Variants in FRMD4B observed in about 807,000 individuals in gnomAD.
FRMD4B encodes FERM domain-containing protein 4B.
FRMD4B carries 74 observed loss-of-function variants against 141.5 expected under a neutral mutation model. The ratio of observed to expected loss-of-function variants is 0.52; its 90% CI spans 0.43 to 0.63. FRMD4B has a LOEUF of 0.63. Among genes scored for constraint, FRMD4B ranks in the 30% least tolerant of loss-of-function variants. The pLI, the probability that FRMD4B is intolerant of heterozygous loss-of-function variation, is 0.00. For missense variants in FRMD4B, 1,366 were observed against 1,253.4 expected, an observed-to-expected ratio of 1.09 and a Z score of -1.36; for synonymous variants, 506 against 467.9, an observed-to-expected ratio of 1.08 and a Z score of -1.05.
upstream of FRMD4B, among the ~76,000 whole-genome samples, chr3:69,387,331 G>A (rs1704281701): frequency 1.3e-5 from 2 of 152,082 alleles, no homozygotes; most frequent in Admixed American, 6.5e-5. Context: ...CGCCCAGGCT[G>A]GTTTCAAATG....
At chr3:69,481,248 G>C (rs1456795338) in intron 1 of FRMD4B, among the ~76,000 whole-genome samples, 1 of 152,148 alleles carries the variant, frequency 6.6e-6, no homozygotes, top group Non-Finnish European at 1.5e-5. Context: ...GCACTCCCTA[G>C]TGAGATGAAC....
intron 5 of FRMD4B, among the ~76,000 whole-genome samples, chr3:69,259,498 ACT>A (rs1559758405): frequency 6.6e-6 from 1 of 151,808 alleles, no homozygotes; most frequent in Non-Finnish European, 1.5e-5. Flanking sequence ...GCATCCAAAG[ACT>A]CTCTTAATGT....
In FRMD4B at chr3:69,181,641, G is replaced by A. The variant is rs200135116; in HGVS notation, c.2109C>T (p.Ser703=). ...AAAATGGCTTATCGCTGTCCATCTC[G>A]GAGAGCAGGTGGGACTGGGACTCCA... The part of the protein sequence containing the change: ...GSLESQSHLL[S]EMDSDKPFFS... The change falls in exon 21 of 23, where the codon TCC becomes TCT. Residue 703 remains serine (S), a synonymous_variant. Transcript: ENST00000398540. The A allele has an allele frequency of 1.9e-4, 304 of 1,613,190 alleles. No homozygotes were observed. Among genetic ancestry groups the A allele is most frequent in the Admixed American group, 3.7e-4 (22 of 60,018 alleles).
intron 1 of FRMD4B, among the ~76,000 whole-genome samples, chr3:69,491,143 G>C (rs2107023543): frequency 6.6e-6 from 1 of 152,286 alleles, no homozygotes; most frequent in Middle Eastern, 3.4e-3. Flanking sequence ...TCCAATGCAA[G>C]GAAAATCAAA....
Position 69,278,616 on chromosome 3 carries a change from T to C in FRMD4B, c.501+9136A>G, listed in dbSNP as rs1188552817. Among the ~76,000 whole-genome samples the C allele has an allele frequency of 2.0e-5, 3 of 151,610 alleles. No individual in the cohort carries two copies. In the East Asian group the frequency reaches 5.8e-4, roughly 29 times the overall value. ...TGGCCCCAAATTGCTTTTTTTTTTT[T>C]TGCCCTGCCGCTCAGGCAGGAGTGC... On this transcript the variant is annotated intron_variant, in intron 5 of 22. Transcript: ENST00000398540.
chr3:69,307,974 A>C (rs548768138), intron 3 of FRMD4B, among the ~76,000 whole-genome samples: 1 of 152,240 alleles, frequency 6.6e-6, no homozygotes, highest in African/African-American at 2.4e-5. Flanking sequence ...ATGTTCATGC[A>C]TTTGCCCACA....
intron 1 of FRMD4B, among the ~76,000 whole-genome samples, chr3:69,459,716 G>T (rs1705680748): frequency 1.3e-5 from 2 of 152,190 alleles, no homozygotes; most frequent in Non-Finnish European, 1.5e-5. Flanking sequence ...AGTATTAATA[G>T]CATGTACCTC....
chr3:69,468,241 C>CAGGGA (rs1705826907), intron 1 of FRMD4B, among the ~76,000 whole-genome samples: 1 of 151,886 alleles, frequency 6.6e-6, no homozygotes, highest in East Asian at 1.9e-4. Flanking sequence ...GAACTCCCAA[C>CAGGGA]AATCATCAAT....
intron 1 of FRMD4B, among the ~76,000 whole-genome samples, chr3:69,507,495 G>T (rs1419539515): frequency 6.6e-6 from 1 of 152,050 alleles, no homozygotes; most frequent in Non-Finnish European, 1.5e-5. Context: ...ATATATATAA[G>T]GCTGTGTCAC....
At chr3:69,455,534 A>T (rs1019030611) in intron 1 of FRMD4B, among the ~76,000 whole-genome samples, 2 of 152,174 alleles carry the variant, frequency 1.3e-5, no homozygotes, top group Admixed American at 1.3e-4. Context: ...GAGACCATTA[A>T]CCGGTAAGAA....
chr3:69,477,616 T>C (rs1422387479), intron 1 of FRMD4B, among the ~76,000 whole-genome samples: 4 of 152,254 alleles, frequency 2.6e-5, no homozygotes, highest in Admixed American at 6.5e-5. Flanking sequence ...CAGTATTTTA[T>C]TGAGGATTTT....
intron 1 of FRMD4B, among the ~76,000 whole-genome samples, chr3:69,321,715 A>G (rs1702004185): frequency 1.9e-5 from 1 of 53,702 alleles, no homozygotes; most frequent in Admixed American, 1.9e-4. Flanking sequence ...TACATTCACA[A>G]ATGATTTTTT....
chr3:69,441,209 T>G (rs1355786937), intron 1 of FRMD4B, among the ~76,000 whole-genome samples: 1 of 152,340 alleles, frequency 6.6e-6, no homozygotes, highest in Middle Eastern at 3.4e-3. Context: ...CCTGGACTTT[T>G]ATTGTATGTT....
At chr3:69,373,086 C>G (rs1450611357) in intron 1 of FRMD4B, among the ~76,000 whole-genome samples, 1 of 152,196 alleles carries the variant, frequency 6.6e-6, no homozygotes, top group Admixed American at 6.5e-5. Context: ...AGAGAGAACT[C>G]TCAGCCAGGT....
chr3:69,343,178 T>C (rs1231502155), intron 1 of FRMD4B, among the ~76,000 whole-genome samples: 1 of 152,144 alleles, frequency 6.6e-6, no homozygotes, highest in Admixed American at 6.5e-5. Flanking sequence ...GGTCTTGACC[T>C]CCTGGCCTCA....
In FRMD4B at chr3:69,535,748, T is replaced by G. The variant is rs1317002443; in HGVS notation, c.-129+6458A>C. ...CACGGGCACTTGGGGGTCTCTGTCT[T>G]CCTAGACAGGTGTGCAGGCACCACC... On this transcript the variant is annotated intron_variant, in intron 1 of 5. Transcript: ENST00000459638. The G allele has an allele frequency of 1.8e-5, 8 of 454,862 alleles. No homozygotes were observed. In the East Asian group the frequency reaches 3.6e-4, roughly 20 times the overall value. The allele number at this position is 454,862 out of a possible 1,614,324, so 28.2% of individuals were successfully genotyped here.
intron 1 of FRMD4B, among the ~76,000 whole-genome samples, chr3:69,529,986 T>C (rs1000264942): frequency 1.2e-4 from 18 of 152,208 alleles, no homozygotes; most frequent in African/African-American, 3.6e-4. Context: ...CCCTGATTGG[T>C]CCTTTTTCCC....
At chr3:69,231,318 G>A (rs991531688) in intron 7 of FRMD4B, among the ~76,000 whole-genome samples, 4 of 151,922 alleles carry the variant, frequency 2.6e-5, no homozygotes, top group Admixed American at 2.6e-4. Context: ...TTTTCTCCGA[G>A]ACTCTGTCAC....
At chr3:69,402,583 C>T (rs1704583106) in intron 2 of FRMD4B, among the ~76,000 whole-genome samples, 1 of 152,048 alleles carries the variant, frequency 6.6e-6, no homozygotes, top group Non-Finnish European at 1.5e-5. Context: ...ATCCCAAAAC[C>T]TAACACAGTA....
Sources: allele counts gnomAD v4.1 joint callset (sites outside exome capture counted in the v4.1 genomes callset), GRCh38; gene constraint gnomAD v4.1.1; transcripts MANE v1.5; gene names NCBI Gene and HGNC (gene_info 2026-07-23, HGNC 2026-07-21).